Variants in MYH9 observed in about 807,000 individuals in gnomAD.
MYH9 encodes myosin heavy chain 9.
MYH9 carries 29 observed loss-of-function variants against 241.9 expected under a neutral mutation model. That is an observed-to-expected ratio of 0.12 (90% CI 0.09 to 0.16). The LOEUF (loss-of-function observed/expected upper bound fraction) is 0.16, where lower values mean the gene tolerates loss of function less well. Ranked by LOEUF, MYH9 falls within the 10% of genes least tolerant of loss-of-function variation. The pLI, the probability that MYH9 is intolerant of heterozygous loss-of-function variation, is 1.00. For synonymous variants in MYH9, 1,047 were observed against 1,062.6 expected, an observed-to-expected ratio of 0.99 and a Z score of 0.29; for missense variants, 1,803 against 2,595.5, an observed-to-expected ratio of 0.69 and a Z score of 6.63.
Position 36,320,473 on chromosome 22 carries a change from C to T in MYH9, c.869-110G>A, listed in dbSNP as rs531187511. The T allele has an allele frequency of 3.3e-5, 48 of 1,433,210 alleles. No individual in the cohort carries two copies. The highest frequency in any genetic ancestry group is 6.9e-5 in the South Asian group (6 of 86,648). The allele number at this position is 1,433,210 out of a possible 1,614,324, so 88.8% of individuals were successfully genotyped here. ...GACTGGGACAGACCCTGAGCCCTGA[C>T]GCACCCTGGAAACCGCAGAGTAGCC... is the stretch of plus-strand genomic sequence containing the variant. On this transcript the variant is annotated intron_variant, in intron 8 of 40. Transcript: ENST00000216181. The surrounding 1 kb of genome is among the most constrained non-coding windows in gnomAD (Gnocchi z 4.8).
chr22:36,349,469 C>A (rs1217097037), intron 1 of MYH9, among the ~76,000 whole-genome samples: 3 of 152,182 alleles, frequency 2.0e-5, no homozygotes, highest in Non-Finnish European at 4.4e-5. Flanking sequence ...GTGGCTCATG[C>A]CTGTAATCCC....
chr22:36,332,762 A>G (rs2017444744), intron 3 of MYH9, among the ~76,000 whole-genome samples: 1 of 151,428 alleles, frequency 6.6e-6, no homozygotes, highest in Non-Finnish European at 1.5e-5. Flanking sequence ...CTCTTGGCCA[A>G]AATGCATTAG....
intron 14 of MYH9, among the ~76,000 whole-genome samples, chr22:36,310,192 C>T (rs2017038700): frequency 6.6e-6 from 1 of 151,868 alleles, no homozygotes; most frequent in Non-Finnish European, 1.5e-5. Flanking sequence ...ATCGCTTGAA[C>T]CTGGGAGACG....
chr22:36,292,951 G>A (rs550934154), intron 30 of MYH9, among the ~76,000 whole-genome samples: 1 of 152,324 alleles, frequency 6.6e-6, no homozygotes, highest in African/African-American at 2.4e-5. Flanking sequence ...CGCAGGCCTG[G>A]GACCCATGAG....
In MYH9 at chr22:36,295,043, C is replaced by T. The variant is rs1301530443; in HGVS notation, c.3519G>A (p.Lys1173=). The T allele has an allele frequency of 1.2e-6, 2 of 1,614,068 alleles. No homozygotes were observed. Among genetic ancestry groups the T allele is most frequent in the African/African-American group, 2.7e-5 (2 of 74,928 alleles). The part of the protein sequence containing the change: ...SKREQEVNIL[K]KTLEEEAKTH... ...TCTTGGCCTCCTCCTCCAGGGTCTT[C>T]TTCAGGATGTTCACCTCCTGCTCAC... is the stretch of plus-strand genomic sequence containing the variant. The change falls in exon 27 of 41, where the codon AAG becomes AAA. Residue 1173 remains lysine, a synonymous_variant. Transcript: ENST00000216181. The surrounding 1 kb of genome is among the most constrained non-coding windows in gnomAD (Gnocchi z 4.1).
rs1004293046 is a variant in MYH9, at chr22:36,387,868, T to C, written c.-81A>G. On this transcript the variant is annotated 5_prime_UTR_variant, in exon 1 of 41. Transcript: ENST00000216181. ...CTCCCGAGAGGACTTTCTCGAGCGC[T>C]CGGGCGGCGGCCGGGTGGGGCGAGC... 2 of 152,048 alleles carry C rather than the reference T, an allele frequency of 1.3e-5. No individual in the cohort carries two copies. Among genetic ancestry groups the C allele is most frequent in the Non-Finnish European group, 2.9e-5 (2 of 68,078 alleles). The allele number at this position is 152,048 out of a possible 1,614,324, so 9.4% of individuals were successfully genotyped here.
intron 1 of MYH9, among the ~76,000 whole-genome samples, chr22:36,360,685 C>T (rs2017923615): frequency 6.6e-6 from 1 of 150,954 alleles, no homozygotes; most frequent in African/African-American, 2.4e-5. Flanking sequence ...TGCACTCTAG[C>T]CTGGGCAACA....
At chr22:36,334,236 T>C (rs2017464355) in intron 3 of MYH9, among the ~76,000 whole-genome samples, 1 of 152,212 alleles carries the variant, frequency 6.6e-6, no homozygotes, top group African/African-American at 2.4e-5. Flanking sequence ...GGGGCCGGGC[T>C]TTCCTTCCTG....
At chr22:36,299,643 GCTGCCTTCTC>G (rs1206079564) in intron 23 of MYH9, among the ~76,000 whole-genome samples, 4 of 152,144 alleles carry the variant, frequency 2.6e-5, no homozygotes, top group African/African-American at 4.8e-5. Context: ...AGGTGGGGAG[GCTGCCTTCTC>G]CTGCCTTCTC....
intron 2 of MYH9, among the ~76,000 whole-genome samples, chr22:36,342,507 G>T (rs770139670): frequency 2.0e-5 from 3 of 151,822 alleles, no homozygotes; most frequent in Non-Finnish European, 2.9e-5. Flanking sequence ...TCATCTTCAG[G>T]TAAATACACC....
chr22:36,324,912 C>T, intron 5 of MYH9: 1 of 607,438 alleles, frequency 1.6e-6, no homozygotes. Context: ...CAACAGGAAC[C>T]CCAGATGTAA....
At chr22:36,292,668 G>C (rs933922908) in intron 30 of MYH9, among the ~76,000 whole-genome samples, 2 of 152,232 alleles carry the variant, frequency 1.3e-5, no homozygotes, top group Non-Finnish European at 2.9e-5. Flanking sequence ...TGGACTCCCA[G>C]CCCATCCCGA....
chr22:36,314,809 T>C (rs115679805), intron 12 of MYH9, among the ~76,000 whole-genome samples: 36 of 152,128 alleles, frequency 2.4e-4, no homozygotes, highest in African/African-American at 8.0e-4. Flanking sequence ...CTATGGTACA[T>C]GGCTAATATT....
intron 40 of MYH9, among the ~76,000 whole-genome samples, chr22:36,283,524 C>A (rs1317837757): frequency 7.0e-6 from 1 of 143,042 alleles, no homozygotes; most frequent in Non-Finnish European, 1.5e-5. Flanking sequence ...GCAACAAGAG[C>A]GAAACTCCGT....
chr22:36,310,723 C>T (rs1229533824), intron 14 of MYH9, among the ~76,000 whole-genome samples: 1 of 152,238 alleles, frequency 6.6e-6, no homozygotes, highest in Admixed American at 6.5e-5. Context: ...CACGGAAAGA[C>T]GCACCACAGT....
chr22:36,349,428 A>G (rs2017732859), intron 1 of MYH9, among the ~76,000 whole-genome samples, 173 bp from the exon 2 acceptor site: 1 of 152,198 alleles, frequency 6.6e-6, no homozygotes, highest in African/African-American at 2.4e-5. Flanking sequence ...AAAGATGTGC[A>G]TCACTGAAAA....
chr22:36,282,531 G>A lies in MYH9; in HGVS notation c.*137C>T. On this transcript the variant is annotated 3_prime_UTR_variant, in exon 41 of 41. Transcript: ENST00000216181. ...ACAACACCTGGAGGGAAACGGGATG[G>A]GGGGACGGGGCGGAGGGCAGGAGGA... 4 of 858,786 alleles carry A rather than the reference G, an allele frequency of 4.7e-6. No individual in the cohort carries two copies. The highest frequency in any genetic ancestry group is 7.9e-6 in the Non-Finnish European group (4 of 503,700). The allele number at this position is 858,786 out of a possible 1,614,324, so 53.2% of individuals were successfully genotyped here.
intron 3 of MYH9, among the ~76,000 whole-genome samples, chr22:36,337,996 T>C (rs1319629982): frequency 6.6e-6 from 1 of 151,340 alleles, no homozygotes; most frequent in African/African-American, 2.4e-5. Context: ...AACTTTCTTT[T>C]CTTTTTTTTT....
rs776174061 is a variant in MYH9, at chr22:36,292,228, C to T, written c.4102G>A (p.Asp1368Asn). ...CTGTCCTCCATCTTCTTTTTCATGT[C>T]GGCCACCTGGGCAGGAGCAAGGAGT... is the stretch of plus-strand genomic sequence containing the variant. ...QIATLHAQVA[D>N]MKKKMEDSVG... Residue 1368 changes from aspartate to asparagine, a missense_variant, in exon 31 of 41, where the codon GAC (aspartate) becomes AAC (asparagine). By Grantham distance (23) the Asp-to-Asn change is conservative. This residue lies in a region of MYH9 where 876 missense variants were observed against 1,077.8 expected (regional missense o/e 0.81). Transcript: ENST00000216181. The T allele has an allele frequency of 1.2e-6, 2 of 1,613,884 alleles. No homozygotes were observed. The highest frequency in any genetic ancestry group is 1.7e-6 in the Non-Finnish European group (2 of 1,180,038).
Sources: gnomAD v4.1 joint callset for allele counts (sites outside exome capture counted in the v4.1 genomes callset) on GRCh38, gnomAD v4.1.1 for gene constraint, gnomAD v4.1.1 regional missense constraint, Gnocchi (gnomAD v3.1) non-coding constraint, MANE v1.5 for transcripts, NCBI Gene and HGNC (gene_info 2026-07-23, HGNC 2026-07-21) for gene names.